The following MTCL2 variants were observed in gnomAD, a reference collection of about 807,000 sequenced individuals.
MTCL2 encodes the protein microtubule crosslinking factor 2.
chr20:36,847,063 G>A, the MTCL2 span, among the ~76,000 whole-genome samples: 11 of 152,170 alleles, frequency 7.2e-5, no homozygotes, highest in East Asian at 1.2e-3. Flanking sequence ...CCAGGCCCCC[G>A]CACAGGCAGT....
the MTCL2 span, among the ~76,000 whole-genome samples, chr20:36,857,278 T>C: frequency 6.6e-6 from 1 of 152,068 alleles, no homozygotes; most frequent in Admixed American, 6.6e-5. Context: ...TATATGAGAA[T>C]GTGTTTCTGA....
At chr20:36,824,488 G>A in the MTCL2 span, among the ~76,000 whole-genome samples, 1 of 152,032 alleles carries the variant, frequency 6.6e-6, no homozygotes, top group African/African-American at 2.4e-5. Context: ...ATGAGTGGTT[G>A]CTGGGGGCAA....
At chr20:36,814,518 G>T in the MTCL2 span, among the ~76,000 whole-genome samples, 1 of 152,174 alleles carries the variant, frequency 6.6e-6, no homozygotes, top group African/African-American at 2.4e-5. Flanking sequence ...GGAGGCTGAG[G>T]CTGGTGGATC....
chr20:36,831,877 A>T, the MTCL2 span, among the ~76,000 whole-genome samples: 47 of 152,318 alleles, frequency 3.1e-4, no homozygotes, highest in Admixed American at 2.5e-3. Context: ...TGGGGCTGTT[A>T]GGTCACCCAG....
the MTCL2 span, among the ~76,000 whole-genome samples, chr20:36,860,692 G>A: frequency 6.6e-6 from 1 of 152,172 alleles, no homozygotes; most frequent in Non-Finnish European, 1.5e-5. Flanking sequence ...TCATTTAACC[G>A]TTGAGGTTGG....
At chr20:36,794,998 G>A in the MTCL2 span, among the ~76,000 whole-genome samples, 2 of 151,760 alleles carry the variant, frequency 1.3e-5, no homozygotes, top group Non-Finnish European at 2.9e-5. The surrounding 1 kb of genome is among the most constrained non-coding windows in gnomAD (Gnocchi z 5.4). Flanking sequence ...GAGTGCAGTG[G>A]CATGATCTCG....
At chr20:36,790,380 G>A in the MTCL2 span, among the ~76,000 whole-genome samples, 4 of 149,552 alleles carry the variant, frequency 2.7e-5, no homozygotes, top group South Asian at 2.1e-4. Flanking sequence ...CACCTCTCTC[G>A]GCCTCCCAAA....
At chr20:36,844,087 T>G in the MTCL2 span, among the ~76,000 whole-genome samples, 2 of 151,396 alleles carry the variant, frequency 1.3e-5, no homozygotes, top group African/African-American at 4.9e-5. Context: ...AATATAAGAA[T>G]TAGCCGGGCG....
the MTCL2 span, among the ~76,000 whole-genome samples, chr20:36,807,651 C>T: frequency 6.6e-6 from 1 of 152,096 alleles, no homozygotes; most frequent in African/African-American, 2.4e-5. Context: ...ATTCCCAGAG[C>T]TCCGCCCCCA....
chr20:36,794,275 G>A, the MTCL2 span: 9 of 1,552,082 alleles, frequency 5.8e-6, no homozygotes, highest in Non-Finnish European at 7.0e-6. This position sits in a 1 kb window ranked among gnomAD's most constrained non-coding sequence, Gnocchi z 5.4. Context: ...TGCCCTCTTT[G>A]TCATGAACCA....
At chr20:36,844,758 G>T in the MTCL2 span, among the ~76,000 whole-genome samples, 2 of 151,816 alleles carry the variant, frequency 1.3e-5, no homozygotes, top group African/African-American at 4.8e-5. Context: ...AGTGGCTCAC[G>T]CCTGTAATCC....
At chr20:36,807,865 C>CTTTTTTT in the MTCL2 span, among the ~76,000 whole-genome samples, 6 of 53,540 alleles carry the variant, frequency 1.1e-4, 1 homozygote, top group Admixed American at 5.0e-4. Flanking sequence ...GAAACCCTGT[C>CTTTTTTT]TTTTTTTTTT....
At chr20:36,808,611 T>C in the MTCL2 span, 1 of 1,612,016 alleles carries the variant, frequency 6.2e-7, no homozygotes, top group Non-Finnish European at 8.5e-7. Flanking sequence ...AAGTTGTGCT[T>C]GAATTGCTGG....
chr20:36,845,973 G>C, the MTCL2 span, among the ~76,000 whole-genome samples: 1 of 152,154 alleles, frequency 6.6e-6, no homozygotes, highest in Non-Finnish European at 1.5e-5. Flanking sequence ...GAGAGGCCCA[G>C]CTCCACTGGA....
chr20:36,810,864 C>A, the MTCL2 span, among the ~76,000 whole-genome samples: 1 of 152,082 alleles, frequency 6.6e-6, no homozygotes, highest in East Asian at 1.9e-4. Flanking sequence ...GGATTACAGG[C>A]ACCCGCCACC....
chr20:36,863,111 A>T, the MTCL2 span: 1 of 1,398,896 alleles, frequency 7.1e-7, no homozygotes, highest in Non-Finnish European at 9.3e-7. The surrounding 1 kb of genome is among the most constrained non-coding windows in gnomAD (Gnocchi z 6.2). Flanking sequence ...GCGCCCCGGG[A>T]GCCACTGCGC....
chr20:36,859,504 T>TAG, the MTCL2 span: 4 of 990,106 alleles, frequency 4.0e-6, no homozygotes, highest in Non-Finnish European at 5.2e-6. Context: ...ACAAACCCTC[T>TAG]ATCTTTATCC....
the MTCL2 span, among the ~76,000 whole-genome samples, chr20:36,819,066 A>G: frequency 4.7e-3 from 712 of 152,060 alleles, 3 homozygotes; most frequent in African/African-American, 0.016. Context: ...GTGAAGCTAT[A>G]GAGAAACAAA....
At chr20:36,784,111 G>C in the MTCL2 span, 1 of 985,698 alleles carries the variant, frequency 1.0e-6, no homozygotes. Flanking sequence ...TTCTCCCCGA[G>C]GCTGAGTACG....
Sources: allele counts gnomAD v4.1 joint callset (sites outside exome capture counted in the v4.1 genomes callset), GRCh38; gene constraint gnomAD v4.1.1; non-coding constraint Gnocchi (gnomAD v3.1); transcripts MANE v1.5; gene names NCBI Gene and HGNC (gene_info 2026-07-23, HGNC 2026-07-21).